Variants in C12orf42 observed in about 807,000 individuals in gnomAD.
The protein encoded by C12orf42 is uncharacterized protein C12orf42.
In C12orf42, 25 loss-of-function variants were observed where a neutral mutation model predicts 21.6. The observed-to-expected ratio is 1.16, with a 90% CI of 0.84 to 1.62. The LOEUF (loss-of-function observed/expected upper bound fraction) is 1.62, where lower values mean the gene tolerates loss of function less well. C12orf42 is among the 40% of genes most tolerant of loss of function. The pLI is 0.00. For synonymous variants in C12orf42, 174 were observed against 175.0 expected (o/e 0.99, Z 0.05); for missense variants, 483 against 459.3 (o/e 1.05, Z -0.47).
At chr12:103,188,817 T>C in the C12orf42 span, among the ~76,000 whole-genome samples, 1 of 152,204 alleles carries the variant, frequency 6.6e-6, no homozygotes, top group African/African-American at 2.4e-5. Flanking sequence ...TCCTGAAAAA[T>C]CTTTATGCCT....
intron 4 of C12orf42, among the ~76,000 whole-genome samples, chr12:103,322,682 T>C (rs554762582): frequency 5.7e-4 from 87 of 152,342 alleles, no homozygotes; most frequent in African/African-American, 2.0e-3. Flanking sequence ...GTTGCTGTTA[T>C]TGTATTTCAT....
chr12:103,111,364 A>T, the C12orf42 span, among the ~76,000 whole-genome samples: 1 of 152,208 alleles, frequency 6.6e-6, no homozygotes, highest in South Asian at 2.1e-4. Context: ...TGGAATTCCT[A>T]CTAGTTGGTT....
intron 3 of C12orf42, among the ~76,000 whole-genome samples, chr12:103,388,809 C>T (rs2046836425): frequency 6.6e-6 from 1 of 152,202 alleles, no homozygotes; most frequent in African/African-American, 2.4e-5. Context: ...TTGGTCAAAA[C>T]CTACAGTGTT....
chr12:103,239,611 C>T (rs1453935572), intron 10 of C12orf42, among the ~76,000 whole-genome samples: 1 of 152,180 alleles, frequency 6.6e-6, no homozygotes, highest in Non-Finnish European at 1.5e-5. Context: ...CTTCCTGTAT[C>T]AGACCATAGG....
chr12:103,256,516 G>C (rs917245537), intron 10 of C12orf42, among the ~76,000 whole-genome samples: 13 of 151,760 alleles, frequency 8.6e-5, no homozygotes, highest in African/African-American at 3.1e-4. Flanking sequence ...AAGGTGAATG[G>C]ATCCCCGTAA....
the C12orf42 span, among the ~76,000 whole-genome samples, chr12:103,131,688 G>A: frequency 6.6e-6 from 1 of 152,204 alleles, no homozygotes; most frequent in East Asian, 1.9e-4. Context: ...GAGTTGGAAA[G>A]TTATAGTCAT....
chr12:103,060,240 G>A, the C12orf42 span, among the ~76,000 whole-genome samples: 1 of 152,014 alleles, frequency 6.6e-6, no homozygotes, highest in Non-Finnish European at 1.5e-5. Context: ...GCTACAAAGA[G>A]AATAAGATAC....
At chr12:103,171,216 C>T in the C12orf42 span, among the ~76,000 whole-genome samples, 1 of 152,132 alleles carries the variant, frequency 6.6e-6, no homozygotes, top group Non-Finnish European at 1.5e-5. Context: ...TGACCCTGCA[C>T]AATCTTTCAT....
At chr12:103,249,102 C>T (rs561697268) in intron 10 of C12orf42, among the ~76,000 whole-genome samples, 3 of 151,926 alleles carry the variant, frequency 2.0e-5, no homozygotes, top group South Asian at 2.1e-4. Context: ...AAGCTTGAGT[C>T]GGGGCCCTGA....
At chr12:103,507,101 TATA>T in the C12orf42 span, among the ~76,000 whole-genome samples, 55 of 14,570 alleles carry the variant, frequency 3.8e-3, 1 homozygote, top group South Asian at 0.02. Flanking sequence ...ATATTATATA[TATA>T]ATATAAATAT....
the C12orf42 span, among the ~76,000 whole-genome samples, chr12:103,145,146 A>G: frequency 0.017 from 2,542 of 152,260 alleles, 30 homozygotes; most frequent in South Asian, 0.034. Context: ...CTCCCCAAAA[A>G]ACTCAAACTT....
At chr12:103,159,855 G>T in the C12orf42 span, among the ~76,000 whole-genome samples, 10 of 152,154 alleles carry the variant, frequency 6.6e-5, no homozygotes, top group Non-Finnish European at 1.5e-4. Flanking sequence ...AGAATGCCTT[G>T]TTCAGACTTG....
intron 2 of C12orf42, among the ~76,000 whole-genome samples, chr12:103,443,773 C>CAAG (rs555047920): frequency 4.9e-4 from 75 of 152,026 alleles, no homozygotes; most frequent in African/African-American, 1.5e-3. Flanking sequence ...AAAGGCTGTG[C>CAAG]AAGAAGTCAT....
At chr12:103,405,672 T>C (rs1288427980) in intron 2 of C12orf42, among the ~76,000 whole-genome samples, 1 of 152,146 alleles carries the variant, frequency 6.6e-6, no homozygotes, top group Non-Finnish European at 1.5e-5. Flanking sequence ...TGCAAAAAGC[T>C]TGGGTGTCAA....
the C12orf42 span, among the ~76,000 whole-genome samples, chr12:103,223,572 T>A: frequency 1.3e-5 from 2 of 152,194 alleles, no homozygotes; most frequent in African/African-American, 4.8e-5. Context: ...CACCAGGAGA[T>A]ATCAGCTGTG....
chr12:103,058,149 G>T, the C12orf42 span, among the ~76,000 whole-genome samples: 1 of 152,012 alleles, frequency 6.6e-6, no homozygotes, highest in East Asian at 1.9e-4. Flanking sequence ...TAGAGATGGG[G>T]TGTCACCATG....
In C12orf42 at chr12:103,330,302, T is replaced by C. The variant is rs146536293; in HGVS notation, c.260-23957A>G. On this transcript the variant is annotated intron_variant, in intron 4 of 5. Coordinates refer to ENST00000548883, the MANE Select transcript of C12orf42 (RefSeq NM_198521.5). ...GGCTCTTGGTTTTAGAGACTGTATC[T>C]GTGTTAAATGCCACTAATAATTGTC... is the stretch of plus-strand genomic sequence containing the variant. Among the ~76,000 whole-genome samples the C allele has an allele frequency of 2.1e-3, 316 of 152,328 alleles. 2 individuals are homozygous for C. The highest frequency in any genetic ancestry group is 7.2e-3 in the African/African-American group (298 of 41,566).
At chr12:103,354,435 G>C (rs908651632) in intron 4 of C12orf42, among the ~76,000 whole-genome samples, 9 of 152,008 alleles carry the variant, frequency 5.9e-5, no homozygotes, top group Non-Finnish European at 8.8e-5. Context: ...CCAGAAGCTG[G>C]GAGACCTCCA....
At chr12:103,304,955 CAT>C (rs1220765023) in intron 5 of C12orf42, among the ~76,000 whole-genome samples, 1 of 152,134 alleles carries the variant, frequency 6.6e-6, no homozygotes, top group Non-Finnish European at 1.5e-5. Flanking sequence ...ACTGTACAAA[CAT>C]GTGGAGGGAA....
Sources: allele counts gnomAD v4.1 joint callset (sites outside exome capture counted in the v4.1 genomes callset), GRCh38; gene constraint gnomAD v4.1.1; transcripts MANE v1.5; gene names NCBI Gene and HGNC (gene_info 2026-07-23, HGNC 2026-07-21).